The following SCMH1 variants were observed in gnomAD, a reference collection of about 807,000 sequenced individuals.
The protein encoded by SCMH1 is Scm polycomb group protein homolog 1, also known as polycomb protein SCMH1.
Under a neutral mutation model 70.8 loss-of-function variants are expected in SCMH1, and 37 were observed. That is an observed-to-expected ratio of 0.52 (90% CI 0.40 to 0.69). SCMH1 has a LOEUF of 0.69. Ranked by LOEUF, SCMH1 falls within the 30% of genes least tolerant of loss-of-function variation. The pLI is 0.00. For synonymous variants in SCMH1, 292 were observed against 307.4 expected (o/e 0.95, Z 0.52); for missense variants, 607 against 827.3 (o/e 0.73, Z 3.27).
chr1:41,076,694 T>C (rs556280692), intron 8 of SCMH1, among the ~76,000 whole-genome samples: 2 of 152,048 alleles, frequency 1.3e-5, no homozygotes, highest in East Asian at 1.9e-4. Flanking sequence ...CTTATGAAGA[T>C]GTGAGAGGGT....
intron 6 of SCMH1, among the ~76,000 whole-genome samples, chr1:41,120,148 A>AT (rs1262559740): frequency 6.6e-6 from 1 of 152,124 alleles, no homozygotes; most frequent in Non-Finnish European, 1.5e-5. Context: ...TAATGCCTAT[A>AT]GTTATCAATG....
intron 6 of SCMH1, among the ~76,000 whole-genome samples, chr1:41,122,442 CT>C (rs770454760): frequency 2.6e-5 from 4 of 152,316 alleles, no homozygotes; most frequent in South Asian, 2.1e-4. Flanking sequence ...TTCCTAGCCC[CT>C]ATCACCATCT....
At chr1:41,075,491 CT>C in intron 8 of SCMH1, 40 bp from the exon 9 acceptor site, 1 of 1,539,082 alleles carries the variant, frequency 6.5e-7, no homozygotes, top group Non-Finnish European at 9.0e-7. Flanking sequence ...TCCCTCCCCC[CT>C]GCATTCTCAT....
rs532305848 is a variant in SCMH1 at position 41,034,034 on chromosome 1, A to G, written c.1678+3328T>C. On this transcript the variant is annotated intron_variant, in intron 13 of 14. Coordinates refer to ENST00000337495, the Ensembl canonical transcript of SCMH1. ...GATTCCATATCCCTTCTTTCATTTG[A>G]TCCTTTTAACACTCCTGTGGAAAGA... 30 of 1,611,740 alleles carry G rather than the reference A, an allele frequency of 1.9e-5. No individual in the cohort carries two copies. In the East Asian group the frequency reaches 6.7e-4, roughly 36 times the overall value.
intron 6 of SCMH1, among the ~76,000 whole-genome samples, chr1:41,121,621 C>A (rs1370106514): frequency 3.9e-5 from 6 of 152,186 alleles, no homozygotes; most frequent in African/African-American, 9.7e-5. Context: ...TTGGTCCCCA[C>A]TTTCTTCCTG....
At chr1:41,146,019 A>T (rs1644523737) in intron 5 of SCMH1, among the ~76,000 whole-genome samples, 1 of 152,200 alleles carries the variant, frequency 6.6e-6, no homozygotes, top group South Asian at 2.1e-4. Flanking sequence ...AAATAGCCTC[A>T]GGCAGCTCCT....
intron 8 of SCMH1, among the ~76,000 whole-genome samples, chr1:41,106,607 G>A (rs948639160): frequency 6.6e-6 from 1 of 151,860 alleles, no homozygotes; most frequent in Admixed American, 6.6e-5. Flanking sequence ...TGGTCTATGA[G>A]GGAAGCATTC....
intron 1 of SCMH1, among the ~76,000 whole-genome samples, chr1:41,231,727 T>C (rs1439390590): frequency 6.6e-6 from 1 of 152,134 alleles, no homozygotes; most frequent in Non-Finnish European, 1.5e-5. Flanking sequence ...TTGTGGAGTA[T>C]TAGAAATTTT....
intron 5 of SCMH1, among the ~76,000 whole-genome samples, chr1:41,151,137 C>T (rs1231240317): frequency 6.6e-6 from 1 of 152,130 alleles, no homozygotes; most frequent in Non-Finnish European, 1.5e-5. Flanking sequence ...TGTGCATTGT[C>T]TGGGTTACTT....
intron 8 of SCMH1, among the ~76,000 whole-genome samples, chr1:41,087,179 A>G (rs1661959578): frequency 1.3e-5 from 2 of 152,142 alleles, no homozygotes. Context: ...GCCACTGGAA[A>G]AACACAAATT....
At chr1:41,234,767 C>A (rs557635552) in intron 1 of SCMH1, among the ~76,000 whole-genome samples, 16 of 152,136 alleles carry the variant, frequency 1.1e-4, no homozygotes, top group Admixed American at 1.0e-3. Context: ...AGCCACCGCG[C>A]CCGGCAAAAC....
exon 15 of SCMH1, chr1:41,028,059 G>A: frequency 9.6e-7 from 1 of 1,045,906 alleles, no homozygotes; most frequent in Non-Finnish European, 1.4e-6. Flanking sequence ...TAGGAGTGGT[G>A]GCTCCACACA....
chr1:41,036,618 T>C (rs986948548), intron 13 of SCMH1, among the ~76,000 whole-genome samples: 2 of 152,220 alleles, frequency 1.3e-5, no homozygotes, highest in African/African-American at 4.8e-5. Flanking sequence ...CAATAATCTA[T>C]TCAAAACAAA....
At chr1:41,083,632 C>G (rs374348736) in intron 8 of SCMH1, among the ~76,000 whole-genome samples, 10 of 151,996 alleles carry the variant, frequency 6.6e-5, no homozygotes, top group Admixed American at 3.3e-4. Context: ...CTACTTTAAA[C>G]TTCATATGGA....
chr1:41,116,111 CTTGGAGTCTT>C (rs2147889772), intron 7 of SCMH1, among the ~76,000 whole-genome samples: 1 of 152,280 alleles, frequency 6.6e-6, no homozygotes, highest in African/African-American at 2.4e-5. Flanking sequence ...AAACATTCTA[CTTGGAGTCTT>C]TTGGTAGATC....
chr1:41,225,384 T>G (rs1660063805), intron 1 of SCMH1, among the ~76,000 whole-genome samples: 1 of 152,198 alleles, frequency 6.6e-6, no homozygotes, highest in Non-Finnish European at 1.5e-5. Context: ...TATTTTTATA[T>G]CTGAGATATG....
intron 1 of SCMH1, among the ~76,000 whole-genome samples, chr1:41,237,794 C>G (rs1279217687): frequency 6.6e-6 from 1 of 152,166 alleles, no homozygotes; most frequent in African/African-American, 2.4e-5. Context: ...GAAATGACAG[C>G]TCCCTCCTCT....
intron 2 of SCMH1, among the ~76,000 whole-genome samples, chr1:41,181,544 G>C (rs1253566092): frequency 6.6e-6 from 1 of 152,144 alleles, no homozygotes; most frequent in African/African-American, 2.4e-5. Context: ...CCAAGGATAT[G>C]AACAGACACT....
intron 13 of SCMH1, among the ~76,000 whole-genome samples, chr1:41,029,512 G>A (rs1644229303): frequency 6.6e-6 from 1 of 152,188 alleles, no homozygotes; most frequent in Non-Finnish European, 1.5e-5. Context: ...AAAAGTTTTT[G>A]CTTTGGCTGC....
Sources: gnomAD v4.1 joint callset for allele counts (sites outside exome capture counted in the v4.1 genomes callset) on GRCh38, gnomAD v4.1.1 for gene constraint, MANE v1.5 for transcripts, NCBI Gene and HGNC (gene_info 2026-07-23, HGNC 2026-07-21) for gene names.